PLEKHG1: variants seen among roughly 807,000 people sequenced by gnomAD.
PLEKHG1 encodes pleckstrin homology and RhoGEF domain containing G1, also known as pleckstrin homology domain-containing family G member 1.
A neutral mutation model predicts 100.8 loss-of-function variants in PLEKHG1; 44 were observed. That is an observed-to-expected ratio of 0.44 (90% confidence interval 0.34 to 0.56). The LOEUF is 0.56. Among genes scored for constraint, PLEKHG1 ranks in the 20% least tolerant of loss-of-function variants. PLEKHG1 has a pLI of 0.01. For synonymous variants in PLEKHG1, 640 were observed against 662.5 expected (o/e 0.97, Z 0.52); for missense variants, 1,545 against 1,720.9 (o/e 0.90, Z 1.81).
chr6:150,821,564 A>G (rs1053118806), intron 13 of PLEKHG1, among the ~76,000 whole-genome samples: 1 of 151,916 alleles, frequency 6.6e-6, no homozygotes, highest in Non-Finnish European at 1.5e-5. Flanking sequence ...CGTGCCTGTA[A>G]TCCCAGCTAC....
chr6:150,784,590 A>G (rs1785497895), intron 3 of PLEKHG1, among the ~76,000 whole-genome samples: 1 of 152,220 alleles, frequency 6.6e-6, no homozygotes, highest in African/African-American at 2.4e-5. Flanking sequence ...TATCATTAGG[A>G]TGGTGTTGAA....
At chr6:150,696,759 G>A (rs1780559771) in intron 3 of PLEKHG1, among the ~76,000 whole-genome samples, 1 of 152,122 alleles carries the variant, frequency 6.6e-6, no homozygotes, top group African/African-American at 2.4e-5. Context: ...TATTTTAAAA[G>A]TATTCCCGTG....
intron 1 of PLEKHG1, among the ~76,000 whole-genome samples, chr6:150,603,079 C>CAAAAAAAAAAAA (rs71554469): frequency 3.6e-4 from 25 of 70,286 alleles, no homozygotes; most frequent in African/African-American, 6.9e-4. Context: ...GACTCCGTCT[C>CAAAAAAAAAAAA]AAAAAAAAAA....
At chr6:150,721,385 A>T (rs1198821069) in intron 1 of PLEKHG1, among the ~76,000 whole-genome samples, 3 of 113,872 alleles carry the variant, frequency 2.6e-5, no homozygotes, top group Non-Finnish European at 5.9e-5. Flanking sequence ...CGATAGACTG[A>T]AGTCTGGAAG....
At chr6:150,761,720 G>T (rs1224379446) in intron 2 of PLEKHG1, among the ~76,000 whole-genome samples, 2 of 152,128 alleles carry the variant, frequency 1.3e-5, no homozygotes, top group Non-Finnish European at 2.9e-5. Flanking sequence ...ATGTGTTTTT[G>T]CTTAAAGTCT....
chr6:150,600,011 TC>T lies in PLEKHG1; in HGVS notation c.-206del, dbSNP rs1217568752. On this transcript the variant is annotated 5_prime_UTR_variant, in exon 1 of 4. It removes the in-frame stop codon of an upstream open reading frame in the 5' UTR. Coordinates refer to the PLEKHG1 transcript ENST00000367326. The surrounding 1 kb of genome is among the most constrained non-coding windows in gnomAD (Gnocchi z 6.2). ...CCGCCCGGGCATGCGAAGCCGTCCC[TC>T]CCCGGGTAAGCGCCGGTCGGGCCCG... The T allele has an allele frequency of 8.4e-6, 2 of 238,874 alleles. No homozygotes were observed. Among genetic ancestry groups the T allele is most frequent in the Middle Eastern group, 1.7e-3 (1 of 604 alleles). 14.8% of individuals were successfully genotyped at this position (238,874 alleles called of 1,614,324 possible).
At chr6:150,725,039 C>T (rs1183818799) in intron 1 of PLEKHG1, among the ~76,000 whole-genome samples, 36 of 152,138 alleles carry the variant, frequency 2.4e-4, no homozygotes, top group Admixed American at 2.4e-3. Flanking sequence ...GCTGCTGTAA[C>T]AAAATAGCTT....
In PLEKHG1 at chr6:150,789,581, G is replaced by A. The variant is rs547435303; in HGVS notation, c.582+3122G>A. 6.7e-4 allele frequency among the ~76,000 whole-genome samples: 102 copies of A among 152,330 alleles called. 1 individual carries two copies. Among genetic ancestry groups the A allele is most frequent in the Admixed American group, 5.2e-4 (8 of 15,306 alleles). On this transcript the variant is annotated intron_variant, in intron 4 of 15. Transcript: ENST00000358517. ...CATGAGGTCTTATGATAGCTGGCTAGGAGTAAGTCACTATATTATGCAATG... is the reference window on the plus strand; with the variant it reads ...CATGAGGTCTTATGATAGCTGGCTAAGAGTAAGTCACTATATTATGCAATG...
intron 11 of PLEKHG1, 141 bp downstream of exon 12, chr6:150,818,357 A>G (rs1228625962): frequency 1.0e-5 from 7 of 682,648 alleles, no homozygotes; most frequent in South Asian, 7.1e-5. Flanking sequence ...TTGGGTAGAC[A>G]GTATAATCCC....
At chr6:150,716,002 G>A (rs563365599) in intron 3 of PLEKHG1, among the ~76,000 whole-genome samples, 18 of 149,226 alleles carry the variant, frequency 1.2e-4, no homozygotes, top group Non-Finnish European at 1.0e-4. Context: ...CAGCTACTCG[G>A]GAGGCTGAGG....
chr6:150,735,212 C>G lies in PLEKHG1; in HGVS notation c.411+1120C>G, dbSNP rs181553098. 1.7e-3 allele frequency among the ~76,000 whole-genome samples: 255 copies of G among 151,746 alleles called. 2 individuals carry two copies. The highest frequency in any genetic ancestry group is 6.0e-3 in the African/African-American group (250 of 41,378). The stretch of plus-strand genomic sequence containing the variant: ...TGTTGGTCAGGCTGGTCTCGAACTC[C>G]CGACCTCAGGTGATCCTCCTGCCTC... On this transcript the variant is annotated intron_variant, in intron 2 of 15. Transcript: ENST00000358517.
chr6:150,809,297 C>T lies in PLEKHG1; in HGVS notation c.1095+10C>T. 6.2e-7 allele frequency: 1 copy of T among 1,612,680 alleles called. No individual in the cohort carries two copies. The highest frequency in any genetic ancestry group is 2.2e-5 in the East Asian group (1 of 44,856). On this transcript the variant is annotated intron_variant, in intron 8 of 15. Coordinates refer to ENST00000358517, the Ensembl canonical transcript of PLEKHG1. ...CAAAGCTCACATCCTGGTAGGTCTGCACGCTGGCCATGGGCAGGGACTCAG... is the reference window on the plus strand; with the variant it reads ...CAAAGCTCACATCCTGGTAGGTCTGTACGCTGGCCATGGGCAGGGACTCAG...
At chr6:150,832,371 C>G (rs902937739) in intron 15 of PLEKHG1, among the ~76,000 whole-genome samples, 166 bp downstream of exon 16, 1 of 152,206 alleles carries the variant, frequency 6.6e-6, no homozygotes, top group African/African-American at 2.4e-5. Flanking sequence ...CTCACATCGC[C>G]TCCTGTGAAT....
chr6:150,681,720 C>G (rs1779940448), intron 3 of PLEKHG1, among the ~76,000 whole-genome samples: 1 of 152,030 alleles, frequency 6.6e-6, no homozygotes, highest in Non-Finnish European at 1.5e-5. Context: ...GGAGCAGAGT[C>G]CCGGTGGTGT....
At chr6:150,819,733 C>T (rs376410326) in exon 12 of PLEKHG1, 16 of 1,612,122 alleles carry the variant, frequency 9.9e-6, no homozygotes, top group Non-Finnish European at 1.4e-5. Flanking sequence ...CTGTTCGGCT[C>T]TAAAGAAGGT....
chr6:150,783,874 T>C (rs1480299918), intron 3 of PLEKHG1, among the ~76,000 whole-genome samples: 1 of 152,228 alleles, frequency 6.6e-6, no homozygotes, highest in African/African-American at 2.4e-5. Flanking sequence ...ATTTTACTAC[T>C]TTTTCTACTA....
intron 7 of PLEKHG1, among the ~76,000 whole-genome samples, 180 bp from the exon 9 acceptor site, chr6:150,808,925 C>A (rs982733638): frequency 1.3e-5 from 2 of 152,158 alleles, no homozygotes; most frequent in Non-Finnish European, 2.9e-5. Context: ...TGCTGTTAAC[C>A]CTTAAGTGGC....
At chr6:150,681,827 C>T (rs1779945745) in intron 3 of PLEKHG1, among the ~76,000 whole-genome samples, 1 of 152,096 alleles carries the variant, frequency 6.6e-6, no homozygotes, top group Non-Finnish European at 1.5e-5. Flanking sequence ...AACTTTGCCG[C>T]TCCTCAATTT....
intron 2 of PLEKHG1, among the ~76,000 whole-genome samples, chr6:150,767,968 T>C (rs949845667): frequency 2.6e-5 from 4 of 152,220 alleles, no homozygotes; most frequent in African/African-American, 9.6e-5. Flanking sequence ...AGAAAGCAGC[T>C]TTCCTCTTTC....
Sources: allele counts gnomAD v4.1 joint callset (sites outside exome capture counted in the v4.1 genomes callset), GRCh38; gene constraint gnomAD v4.1.1; non-coding constraint Gnocchi (gnomAD v3.1); transcripts MANE v1.5; gene names NCBI Gene and HGNC (gene_info 2026-07-23, HGNC 2026-07-21).